PRKG1: variants seen among roughly 807,000 people sequenced by gnomAD.
PRKG1 encodes cGMP-dependent protein kinase 1.
In PRKG1, 35 loss-of-function variants were observed where a neutral mutation model predicts 88.1. That is an observed-to-expected ratio of 0.40 (90% CI 0.30 to 0.53). The LOEUF is 0.53. Among genes scored for constraint, PRKG1 ranks in the 20% least tolerant of loss-of-function variants. The pLI is 0.59. For synonymous variants in PRKG1, 303 were observed against 292.5 expected (o/e 1.04, Z -0.37); for missense variants, 540 against 839.8 (o/e 0.64, Z 4.41).
chr10:51,867,054 T>C (rs1044192750), intron 4 of PRKG1, among the ~76,000 whole-genome samples: 7 of 152,178 alleles, frequency 4.6e-5, no homozygotes, highest in Non-Finnish European at 8.8e-5. Flanking sequence ...GGAGACTTCC[T>C]GTAGAAAACC....
intron 1 of PRKG1, among the ~76,000 whole-genome samples, chr10:51,060,798 A>T (rs1212032885): frequency 6.6e-6 from 1 of 152,162 alleles, no homozygotes; most frequent in African/African-American, 2.4e-5. Flanking sequence ...AGTAGGTAAC[A>T]AATTCTCTAG....
At chr10:51,480,995 C>G (rs1266638071) in intron 3 of PRKG1, among the ~76,000 whole-genome samples, 1 of 151,894 alleles carries the variant, frequency 6.6e-6, no homozygotes, top group Non-Finnish European at 1.5e-5. Flanking sequence ...GGAAATCAAA[C>G]AAAATATGAG....
In PRKG1 at chr10:51,884,311, G is replaced by GGC. The variant is rs1416342039; in HGVS notation, c.699-23189_699-23188dup. ...AATACAAAAATTAGCCAGGCGTGGT[G>GGC]GCGCGCGCCTGTAGTCCCAGCTACA... On this transcript the variant is annotated intron_variant, in intron 4 of 17. Transcript: ENST00000373980. Among the ~76,000 whole-genome samples, 7 of 148,490 alleles carry GGC rather than the reference G, an allele frequency of 4.7e-5. No homozygotes were observed. The East Asian group carries it at 1.4e-3, about 30-fold the overall frequency.
intron 4 of PRKG1, among the ~76,000 whole-genome samples, chr10:51,856,530 C>T (rs1306498138): frequency 1.3e-5 from 2 of 152,198 alleles, no homozygotes; most frequent in Non-Finnish European, 2.9e-5. Context: ...CTTATGTTAA[C>T]TTAAACCTTT....
chr10:51,279,183 T>C (rs1840220118), intron 2 of PRKG1, among the ~76,000 whole-genome samples: 1 of 152,196 alleles, frequency 6.6e-6, no homozygotes, highest in African/African-American at 2.4e-5. Flanking sequence ...TCAAAGAACA[T>C]CTTTATTTCT....
chr10:51,269,386 G>T (rs1465682364), intron 2 of PRKG1, among the ~76,000 whole-genome samples: 1 of 152,100 alleles, frequency 6.6e-6, no homozygotes, highest in Non-Finnish European at 1.5e-5. Context: ...AGGAAAAAAT[G>T]TCATTGTATA....
At chr10:51,260,151 C>T (rs374789979) in intron 2 of PRKG1, among the ~76,000 whole-genome samples, 2 of 152,144 alleles carry the variant, frequency 1.3e-5, no homozygotes, top group East Asian at 3.9e-4. Context: ...AATTCCATTG[C>T]TCTTCACTCC....
rs1589109141 is a variant in PRKG1 at position 51,017,997 on chromosome 10, T to C, written c.266+26353T>C. On this transcript the variant is annotated intron_variant, in intron 1 of 17. Coordinates refer to the PRKG1 transcript ENST00000401604. ...ATTAAGCTAATTATTATTATTATTATTTTTTAGGTAGAGACAGTTTCACCA... is the reference window on the plus strand; with the variant it reads ...ATTAAGCTAATTATTATTATTATTACTTTTTAGGTAGAGACAGTTTCACCA... Among the ~76,000 whole-genome samples, 6 of 151,986 alleles carry C rather than the reference T, an allele frequency of 3.9e-5. 1 individual carries two copies. Among genetic ancestry groups the C allele is most frequent in the Admixed American group, 3.9e-4 (6 of 15,240 alleles).
intron 3 of PRKG1, among the ~76,000 whole-genome samples, chr10:51,486,233 A>C (rs775375943): frequency 6.6e-5 from 10 of 151,664 alleles, no homozygotes; most frequent in Non-Finnish European, 1.2e-4. Context: ...TTTCACTGAT[A>C]CCTCTCCATC....
intron 3 of PRKG1, among the ~76,000 whole-genome samples, chr10:51,583,230 A>T (rs1351762398): frequency 2.7e-4 from 41 of 152,166 alleles, no homozygotes. Context: ...TTAAAAAGAC[A>T]TGGGCTTTAA....
intron 2 of PRKG1, among the ~76,000 whole-genome samples, chr10:51,291,634 C>T (rs780299240): frequency 3.9e-5 from 6 of 152,022 alleles, no homozygotes; most frequent in East Asian, 3.9e-4. Context: ...CCACCTAAGC[C>T]GCAAAACTTA....
At chr10:51,145,996 G>A (rs900451360) in intron 1 of PRKG1, among the ~76,000 whole-genome samples, 1 of 151,870 alleles carries the variant, frequency 6.6e-6, no homozygotes, top group Non-Finnish European at 1.5e-5. Flanking sequence ...GTGAAACCCC[G>A]TTTCTACTAA....
At chr10:51,743,708 C>A (rs1187334885) in intron 3 of PRKG1, among the ~76,000 whole-genome samples, 201 of 98,956 alleles carry the variant, frequency 2.0e-3, no homozygotes, top group Admixed American at 2.5e-3. Flanking sequence ...ATAATATAAA[C>A]TAAATATATA....
chr10:51,578,078 A>G (rs988644798), intron 3 of PRKG1, among the ~76,000 whole-genome samples: 7 of 152,030 alleles, frequency 4.6e-5, no homozygotes, highest in Admixed American at 3.3e-4. Flanking sequence ...AGTCTATTAA[A>G]TCCCTCTTCC....
chr10:51,507,278 G>A (rs1480237453), intron 3 of PRKG1, among the ~76,000 whole-genome samples: 1 of 151,236 alleles, frequency 6.6e-6, no homozygotes, highest in Non-Finnish European at 1.5e-5. Context: ...TTGTGCACAT[G>A]TACCCTAAAA....
intron 5 of PRKG1, among the ~76,000 whole-genome samples, chr10:51,956,465 C>G (rs1843305190): frequency 1.3e-5 from 2 of 151,942 alleles, no homozygotes; most frequent in South Asian, 4.2e-4. Flanking sequence ...TGAGAATCTG[C>G]CCAATTGATA....
At chr10:52,254,226 G>C (rs1423470413) in intron 10 of PRKG1, among the ~76,000 whole-genome samples, 2 of 151,940 alleles carry the variant, frequency 1.3e-5, no homozygotes, top group African/African-American at 2.4e-5. Flanking sequence ...TGTAGGCAGA[G>C]ACCAGTTCTT....
chr10:51,191,370 T>G (rs1354026451), intron 2 of PRKG1, among the ~76,000 whole-genome samples: 3 of 151,830 alleles, frequency 2.0e-5, no homozygotes, highest in Non-Finnish European at 4.4e-5. Flanking sequence ...CCTCAGTTTC[T>G]CCATATGTAA....
At chr10:52,262,907 G>T in intron 10 of PRKG1, among the ~76,000 whole-genome samples, 1 of 152,026 alleles carries the variant, frequency 6.6e-6, no homozygotes, top group Admixed American at 6.6e-5. Flanking sequence ...ATAATGACAA[G>T]AAAAATGTCT....
Sources: allele counts gnomAD v4.1 joint callset (sites outside exome capture counted in the v4.1 genomes callset), GRCh38; gene constraint gnomAD v4.1.1; transcripts MANE v1.5; gene names NCBI Gene and HGNC (gene_info 2026-07-23, HGNC 2026-07-21).